The following RTTN variants were observed in gnomAD, a reference collection of about 807,000 sequenced individuals.
RTTN encodes rotatin.
Under a neutral mutation model 269.2 loss-of-function variants are expected in RTTN, and 182 were observed. The observed-to-expected ratio is 0.68, with a 90% CI of 0.60 to 0.76. The LOEUF (loss-of-function observed/expected upper bound fraction) is 0.76, where lower values mean the gene tolerates loss of function less well. Ranked by LOEUF, RTTN falls within the 30% of genes least tolerant of loss-of-function variation. RTTN has a pLI of 0.00. For missense variants in RTTN, 2,545 were observed against 2,608.6 expected, an observed-to-expected ratio of 0.98 and a Z score of 0.53; for synonymous variants, 1,006 against 963.5, an observed-to-expected ratio of 1.04 and a Z score of -0.82.
chr18:70,184,756 G>GTGTGTGTC, intron 10 of RTTN, among the ~76,000 whole-genome samples: 1 of 124,266 alleles, frequency 8.0e-6, no homozygotes, highest in African/African-American at 2.8e-5. Context: ...GTGTGTGTGT[G>GTGTGTGTC]TGGTGGCGGG....
rs373643907 is a variant in RTTN, at chr18:70,193,343, G to A, written c.952C>T (p.Arg318Cys). The A allele has an allele frequency of 2.1e-5, 34 of 1,610,496 alleles. No individual in the cohort carries two copies. In the African/African-American group the frequency reaches 2.7e-4, roughly 13 times the overall value. Residue 318 changes from arginine (R) to cysteine (C), a missense_variant, in exon 8 of 49, where the codon CGC (arginine) becomes TGC (cysteine). Transcript: ENST00000640769. ...TCTCCTCTGGGTCGCTGGCCTGTGC[G>A]CCCAACCACAGAAGGCCGAGGGCTG... ...SSSPRPSVVG[R>C]TGQRPRGDGQ...
At chr18:70,054,580 G>A (rs926949298) in intron 37 of RTTN, among the ~76,000 whole-genome samples, 14 of 152,122 alleles carry the variant, frequency 9.2e-5, no homozygotes, top group Non-Finnish European at 2.9e-5. Context: ...CACCTGTAAT[G>A]CCAGTCCTTT....
intron 34 of RTTN, among the ~76,000 whole-genome samples, chr18:70,072,895 A>ACTC (rs570768498): frequency 6.6e-6 from 1 of 152,098 alleles, no homozygotes; most frequent in Non-Finnish European, 1.5e-5. Context: ...ATCTAGTGGA[A>ACTC]CTCGGGTAAT....
chr18:70,191,920 G>A (rs2061681032), intron 8 of RTTN, among the ~76,000 whole-genome samples: 3 of 152,090 alleles, frequency 2.0e-5, no homozygotes, highest in South Asian at 2.1e-4. Flanking sequence ...AGAGAATGAG[G>A]CAGAAAGGCT....
At chr18:70,010,474 C>A (rs1282141033) in intron 46 of RTTN, among the ~76,000 whole-genome samples, 2 of 152,162 alleles carry the variant, frequency 1.3e-5, no homozygotes, top group African/African-American at 4.8e-5. Context: ...GAACAACTTG[C>A]TCCTGAATGA....
intron 38 of RTTN, among the ~76,000 whole-genome samples, chr18:70,053,725 C>A (rs2057738202): frequency 6.6e-6 from 1 of 152,140 alleles, no homozygotes. Context: ...AACATTAGAT[C>A]ACAAAATATA....
intron 43 of RTTN, among the ~76,000 whole-genome samples, chr18:70,027,182 A>T (rs2056877786): frequency 6.6e-6 from 1 of 152,136 alleles, no homozygotes; most frequent in African/African-American, 2.4e-5. Flanking sequence ...TTTACCTCAC[A>T]GCCACCATGC....
At chr18:70,179,668 T>A (rs1017238352) in intron 10 of RTTN, among the ~76,000 whole-genome samples, 31 of 152,176 alleles carry the variant, frequency 2.0e-4, no homozygotes, top group African/African-American at 7.5e-4. Flanking sequence ...AAATACCAGG[T>A]TAGCAAAATG....
At chr18:70,171,494 T>C (rs1871276749) in intron 11 of RTTN, among the ~76,000 whole-genome samples, 1 of 152,228 alleles carries the variant, frequency 6.6e-6, no homozygotes, top group Non-Finnish European at 1.5e-5. Flanking sequence ...TGCGTACTTG[T>C]ATTTGAAACT....
intron 44 of RTTN, among the ~76,000 whole-genome samples, chr18:70,021,786 G>T (rs1447510433): frequency 6.6e-6 from 1 of 152,118 alleles, no homozygotes; most frequent in Non-Finnish European, 1.5e-5. Context: ...AGCTCCAGAG[G>T]TGTCAGATTA....
chr18:70,202,329 ATCACT>A (rs979609833), intron 3 of RTTN, among the ~76,000 whole-genome samples: 8 of 152,194 alleles, frequency 5.3e-5, no homozygotes, highest in African/African-American at 1.9e-4. Flanking sequence ...ATAGTTCCTG[ATCACT>A]TCAATTTTCA....
At chr18:70,025,061 T>C (rs1368007124) in intron 43 of RTTN, among the ~76,000 whole-genome samples, 1 of 152,194 alleles carries the variant, frequency 6.6e-6, no homozygotes, top group Non-Finnish European at 1.5e-5. Context: ...ACCAGGGTGG[T>C]TAAGATGTAC....
chr18:70,106,448 G>T (rs2059323661), intron 28 of RTTN, among the ~76,000 whole-genome samples: 1 of 152,170 alleles, frequency 6.6e-6, no homozygotes, highest in African/African-American at 2.4e-5. Flanking sequence ...ACAGTATTAG[G>T]TAAGTATCCA....
chr18:70,051,681 C>A (rs2057674308), intron 38 of RTTN, 133 bp from the exon 39 acceptor site: 5 of 576,072 alleles, frequency 8.7e-6, no homozygotes, highest in Non-Finnish European at 1.1e-5. Flanking sequence ...GAAGACAAAT[C>A]TAATTCAGCA....
rs1600020323 is a variant in RTTN at position 70,190,789 on chromosome 18, T to A, written c.1008-70A>T. On this transcript the variant is annotated intron_variant, in intron 8 of 48. Coordinates refer to ENST00000640769, the MANE Select transcript of RTTN (RefSeq NM_173630.4). ...CCAAACAGATTTACTGCATATCTGC[T>A]GCCTCGCATATTAGAAGCCTCATAC... is the stretch of plus-strand genomic sequence containing the variant. 1.6e-5 allele frequency: 17 copies of A among 1,058,360 alleles called. No homozygotes were observed. In the East Asian group the frequency reaches 4.1e-4, roughly 26 times the overall value. The allele number at this position is 1,058,360 out of a possible 1,614,324, so 65.6% of individuals were successfully genotyped here.
In RTTN at chr18:70,024,706, T is replaced by C; in HGVS notation, c.5950+16A>G. The C allele has an allele frequency of 6.2e-7, 1 of 1,606,120 alleles. No homozygotes were observed. Among genetic ancestry groups the C allele is most frequent in the Non-Finnish European group, 8.5e-7 (1 of 1,173,414 alleles). On this transcript the variant is annotated intron_variant, in intron 44 of 48. Transcript: ENST00000640769. ...ATTTTGGTATATTATTGAAAGGCAG[T>C]ATTGGATCCTATTACCATTTGGAAA...
At chr18:70,114,004 T>C (rs1341907213) in intron 27 of RTTN, among the ~76,000 whole-genome samples, 1 of 152,174 alleles carries the variant, frequency 6.6e-6, no homozygotes, top group Admixed American at 6.5e-5. Flanking sequence ...ACTAAAACCA[T>C]TCAAATGTAC....
intron 40 of RTTN, among the ~76,000 whole-genome samples, chr18:70,038,166 T>C (rs1208448513): frequency 1.1e-4 from 17 of 152,202 alleles, no homozygotes; most frequent in Non-Finnish European, 1.9e-4. Context: ...TCTCTGGACC[T>C]GCTCAGGGTC....
chr18:70,167,118 A>G, intron 12 of RTTN, 87 bp from the exon 13 acceptor site: 1 of 809,878 alleles, frequency 1.2e-6, no homozygotes, highest in Non-Finnish European at 2.1e-6. Flanking sequence ...TCAAGAAATT[A>G]GACCATTCAG....
Sources: gnomAD v4.1 joint callset for allele counts (sites outside exome capture counted in the v4.1 genomes callset) on GRCh38, gnomAD v4.1.1 for gene constraint, MANE v1.5 for transcripts, NCBI Gene and HGNC (gene_info 2026-07-23, HGNC 2026-07-21) for gene names.